Variants in LTF observed in about 807,000 individuals in gnomAD.
The protein encoded by LTF is epididymis luminal protein 110.
Under a neutral mutation model 87.2 loss-of-function variants are expected in LTF, and 91 were observed. That is an observed-to-expected ratio of 1.04 (90% CI 0.88 to 1.24). LTF has a LOEUF of 1.24. Ranked by LOEUF, LTF falls within the 50% of genes most tolerant of loss-of-function variation. The pLI is 0.00. For missense variants in LTF, 901 were observed against 904.3 expected (o/e 1.00, Z 0.05); for synonymous variants, 378 against 356.1 (o/e 1.06, Z -0.69).
At position 46,459,677 on chromosome 3, in the gene LTF, G is replaced by GA; in HGVS notation, c.185dup (p.Gln63ProfsTer17). On this transcript the variant is annotated frameshift_variant, in exon 2 of 17. Coordinates refer to ENST00000231751, the MANE Select transcript of LTF (RefSeq NM_002343.6). LOFTEE classifies it high-confidence loss of function. ...TCACCGCAATGGCCTGGATACACTG[G>GA]ATGGGGGAGTCTCTCTTTATGCAGC... The GA allele has an allele frequency of 6.5e-7, 1 of 1,545,594 alleles. No individual in the cohort carries two copies. The highest frequency in any genetic ancestry group is 8.7e-7 in the Non-Finnish European group (1 of 1,148,976).
At chr3:46,449,436 C>A (rs1314627244) in intron 8 of LTF, among the ~76,000 whole-genome samples, 1 of 152,108 alleles carries the variant, frequency 6.6e-6, no homozygotes, top group Non-Finnish European at 1.5e-5. Context: ...CTCTGGGTTC[C>A]CCCAGACTCC....
intron 1 of LTF, chr3:46,463,302 A>G (rs1159647222): frequency 4.5e-6 from 1 of 221,410 alleles, no homozygotes; most frequent in Admixed American, 6.5e-5. Flanking sequence ...ACCTACCCAC[A>G]CAGCTCATGA....
intron 11 of LTF, 66 bp downstream of exon 11, chr3:46,446,374 C>T: frequency 1.5e-6 from 2 of 1,363,536 alleles, no homozygotes; most frequent in East Asian, 2.3e-5. Flanking sequence ...TTTACAGTTC[C>T]TGCCACTTCC....
rs1201827812 is a variant in LTF, at chr3:46,445,510, C to G, written c.1358-74G>C. 38 of 1,441,508 alleles carry G rather than the reference C, an allele frequency of 2.6e-5. No homozygotes were observed. The East Asian group carries it at 8.8e-4, about 33-fold the overall frequency. The allele number at this position is 1,441,508 out of a possible 1,614,324, so 89.3% of individuals were successfully genotyped here. A position where few individuals can be genotyped will look rare whatever the true frequency, so the allele number is the denominator to read the frequency against. ...GGCACATGGATTCCAGTGGAGCTGT[C>G]TACAGCCCAGGCCAAAACAGGCCAA... On this transcript the variant is annotated intron_variant, in intron 11 of 16. Transcript: ENST00000231751.
chr3:46,450,472 G>A (rs771559586), intron 7 of LTF, 23 bp downstream of exon 7: 2 of 1,590,752 alleles, frequency 1.3e-6, no homozygotes, highest in Non-Finnish European at 1.7e-6. Flanking sequence ...CAAGCAAGTG[G>A]GGAGGACCGT....
intron 15 of LTF, among the ~76,000 whole-genome samples, chr3:46,438,529 C>A (rs550593387): frequency 8.4e-4 from 128 of 152,326 alleles, no homozygotes; most frequent in African/African-American, 3.0e-3. Context: ...CTAGGAAAAC[C>A]CAGGCTCAGC....
At chr3:46,475,200 C>G (rs551448352) in intron 1 of LTF, among the ~76,000 whole-genome samples, 1 of 152,264 alleles carries the variant, frequency 6.6e-6, no homozygotes, top group African/African-American at 2.4e-5. Flanking sequence ...TGACCAATTT[C>G]TCCAAAAAAA....
At chr3:46,465,542 G>A (rs868754941), upstream of LTF, among the ~76,000 whole-genome samples, 9 of 151,930 alleles carry the variant, frequency 5.9e-5, no homozygotes, top group African/African-American at 1.5e-4. Context: ...CCCAAGGCTG[G>A]TTCCATGTTC....
chr3:46,444,780 G>T (rs1251171527), intron 12 of LTF, among the ~76,000 whole-genome samples: 2 of 152,242 alleles, frequency 1.3e-5, no homozygotes, highest in East Asian at 1.9e-4. Flanking sequence ...ACTAGGATGA[G>T]TGTGGGGTGT....
In LTF at chr3:46,450,160, T is replaced by C. The variant is rs1702767308; in HGVS notation, c.883-132A>G. On this transcript the variant is annotated intron_variant, in intron 7 of 16. Transcript: ENST00000231751. ...GCAGGAGCCTCGGTTGAGACCCTCC[T>C]GCAGAGGGACTTGTGCCATCTCGGA... The C allele has an allele frequency of 5.4e-6, 4 of 737,432 alleles. No individual in the cohort carries two copies. The South Asian group carries it at 7.6e-5, about 14-fold the overall frequency. The allele number at this position is 737,432 out of a possible 1,614,324, so 45.7% of individuals were successfully genotyped here.
chr3:46,448,155 G>A (rs1702701336), intron 9 of LTF, among the ~76,000 whole-genome samples: 1 of 152,144 alleles, frequency 6.6e-6, no homozygotes, highest in South Asian at 2.1e-4. Context: ...CTTGAGCCCA[G>A]GAGTTCGAGA....
Position 46,455,884 on chromosome 3 carries a change from G to A in LTF, c.411C>T (p.Gly137=). 1.2e-6 allele frequency: 2 copies of A among 1,613,690 alleles called. No individual in the cohort carries two copies. The highest frequency in any genetic ancestry group is 1.7e-6 in the Non-Finnish European group (2 of 1,179,810). ...CATTCCATCCAGCGGTCCTGCGAAG[G>A]CCTGTGTGGCAGGACTTCAGACCTT... The part of the protein sequence containing the change: ...ELQGLKSCHT[G]LRRTAGWNVP... The change falls in exon 4 of 17, where the codon GGC becomes GGT. Residue 137 remains glycine (G), a synonymous_variant. Coordinates refer to ENST00000231751, the MANE Select transcript of LTF (RefSeq NM_002343.6).
chr3:46,482,537 AG>A (rs1345298122), intron 1 of LTF, among the ~76,000 whole-genome samples: 1,084 of 78,374 alleles, frequency 0.014, 129 homozygotes, highest in African/African-American at 0.03. Context: ...AGGGAAGGGA[AG>A]GGAAGGGAAG....
Position 46,464,850 on chromosome 3 carries a change from G to A in LTF, c.18C>T (p.Leu6=), listed in dbSNP as rs780724910. 2 of 1,613,914 alleles carry A rather than the reference G, an allele frequency of 1.2e-6. No individual in the cohort carries two copies. Among genetic ancestry groups the A allele is most frequent in the East Asian group, 2.2e-5 (1 of 44,872 alleles). ...CGAGGGCCCCGAGGAACAGCAGGAC[G>A]AGGAAGACAAGTTTCATGTCTGCGG... MKLVF[L]VLLFLGALGL... is the part of the protein sequence containing the mutation. The change falls in exon 1 of 17, where the codon CTC becomes CTT. Residue 6 remains leucine (L), a synonymous_variant. Coordinates refer to ENST00000231751, the MANE Select transcript of LTF (RefSeq NM_002343.6).
intron 1 of LTF, among the ~76,000 whole-genome samples, chr3:46,478,514 C>T (rs1205755882): frequency 1.3e-5 from 2 of 152,184 alleles, no homozygotes; most frequent in Admixed American, 6.5e-5. Context: ...AAGGGTGAGG[C>T]CAGGTCCACC....
upstream of LTF, among the ~76,000 whole-genome samples, chr3:46,467,645 T>TTTC (rs1703233518): frequency 3.7e-5 from 1 of 27,344 alleles, no homozygotes; most frequent in African/African-American, 1.3e-4. Flanking sequence ...TTTTCTTTTC[T>TTTC]TTTTTTTTTT....
intron 1 of LTF, among the ~76,000 whole-genome samples, chr3:46,483,051 A>T (rs947747589): frequency 6.6e-6 from 1 of 152,254 alleles, no homozygotes; most frequent in Non-Finnish European, 1.5e-5. Flanking sequence ...AGCTGCTGAC[A>T]TGGATGGGTG....
At position 46,447,347 on chromosome 3, in the gene LTF, C is replaced by T. The variant is rs1042055; in HGVS notation, c.1264G>A (p.Gly422Ser). 1 of 1,614,206 alleles carries T rather than the reference C, an allele frequency of 6.2e-7. No homozygotes were observed. Among genetic ancestry groups the T allele is most frequent in the Non-Finnish European group, 8.5e-7 (1 of 1,180,020 alleles). Residue 422 changes from glycine (G) to serine (S), a missense_variant, in exon 10 of 17, where the codon GGC becomes AGC. Coordinates refer to ENST00000231751, the MANE Select transcript of LTF (RefSeq NM_002343.6). Reference sequence around the variant, plus strand: ...AGGACAGGCACCAAACCACATTTGCCTGCAGTGTACACATATCCTCCATCC... The same window carrying T: ...AGGACAGGCACCAAACCACATTTGCTTGCAGTGTACACATATCCTCCATCC... ...SLDGGYVYTAGKCGLVPVLAE... is the reference protein window; with the variant it reads ...SLDGGYVYTASKCGLVPVLAE...
At chr3:46,473,116 C>T (rs1233417881) in intron 1 of LTF, among the ~76,000 whole-genome samples, 1 of 152,146 alleles carries the variant, frequency 6.6e-6, no homozygotes, top group Non-Finnish European at 1.5e-5. Flanking sequence ...GCCTCAGCTT[C>T]TGACCACTCT....
Sources: gnomAD v4.1 joint callset for allele counts (sites outside exome capture counted in the v4.1 genomes callset) on GRCh38, gnomAD v4.1.1 for gene constraint, MANE v1.5 for transcripts, NCBI Gene and HGNC (gene_info 2026-07-23, HGNC 2026-07-21) for gene names.